The following ACAD8 variants were observed in gnomAD, a reference collection of about 807,000 sequenced individuals.
ACAD8 encodes the protein acyl-CoA dehydrogenase family member 8, also known as isobutyryl-CoA dehydrogenase, mitochondrial.
Under a neutral mutation model 53.1 loss-of-function variants are expected in ACAD8, and 47 were observed. That is an observed-to-expected ratio of 0.89 (90% CI 0.70 to 1.13). The LOEUF (loss-of-function observed/expected upper bound fraction) is 1.13, where lower values mean the gene tolerates loss of function less well. Ranked by LOEUF, ACAD8 falls within the 50% of genes most tolerant of loss-of-function variation. The probability of loss-of-function intolerance (pLI) is 0.00; values close to 1 mark genes in which losing one functional copy is unlikely to be tolerated. For synonymous variants in ACAD8, 198 were observed against 201.3 expected (o/e 0.98, Z 0.14); for missense variants, 494 against 535.0 (o/e 0.92, Z 0.76).
intron 1 of ACAD8, among the ~76,000 whole-genome samples, chr11:134,255,249 G>A (rs1184188567): frequency 6.6e-6 from 1 of 152,106 alleles, no homozygotes; most frequent in Non-Finnish European, 1.5e-5. Context: ...CAATTCTTGT[G>A]CCTCAGCCTC....
In ACAD8 at chr11:134,261,348, T is replaced by C. The variant is rs754203991; in HGVS notation, c.915T>C (p.Phe305=). 6.2e-7 allele frequency: 1 copy of C among 1,614,142 alleles called. No homozygotes were observed. The highest frequency in any genetic ancestry group is 1.1e-5 in the South Asian group (1 of 91,078). ...TRDHLNVRKQ[F]GEPLASNQYL... ...ACCACCTCAATGTCCGGAAGCAGTTTGGAGAGCCTCTGGCCAGTAACCAGG... is the reference window on the plus strand; with the variant it reads ...ACCACCTCAATGTCCGGAAGCAGTTCGGAGAGCCTCTGGCCAGTAACCAGG... The change falls in exon 8 of 11, where the codon TTT becomes TTC. Residue 305 remains phenylalanine (F), a synonymous_variant. Coordinates refer to ENST00000281182, the MANE Select transcript of ACAD8 (RefSeq NM_014384.3). The surrounding 1 kb of genome is among the most constrained non-coding windows in gnomAD (Gnocchi z 4.2).
At chr11:134,262,462 G>A in intron 9 of ACAD8, 58 bp from the exon 10 acceptor site, 1 of 1,231,648 alleles carries the variant, frequency 8.1e-7, no homozygotes, top group Non-Finnish European at 1.2e-6. Flanking sequence ...AGGAAGGGAA[G>A]CTGCTTGCTC....
intron 10 of ACAD8, 195 bp downstream of exon 10, chr11:134,262,817 T>C (rs1472915458): frequency 6.8e-7 from 1 of 1,469,894 alleles, no homozygotes; most frequent in East Asian, 2.8e-5. Flanking sequence ...CTTCGTCCCT[T>C]TCGGGGGGCC....
chr11:134,264,244 C>G (rs1436518416), intron 10 of ACAD8, among the ~76,000 whole-genome samples: 1 of 152,164 alleles, frequency 6.6e-6, no homozygotes, highest in African/African-American at 2.4e-5. Flanking sequence ...ACTCGAGAGG[C>G]TGAGGCAGGA....
chr11:134,262,784 G>C (rs1160552001), intron 10 of ACAD8, 162 bp downstream of exon 10: 79 of 1,498,352 alleles, frequency 5.3e-5, no homozygotes, highest in Non-Finnish European at 6.7e-5. Context: ...GTTCTGGCAG[G>C]GGCCTGGAGT....
In ACAD8 at chr11:134,261,516, T is replaced by C; in HGVS notation, c.939+144T>C. On this transcript the variant is annotated intron_variant, in intron 8 of 10. Transcript: ENST00000281182. The surrounding 1 kb of genome is among the most constrained non-coding windows in gnomAD (Gnocchi z 4.2). The stretch of plus-strand genomic sequence containing the variant: ...AGCCAGAGCTTGTGCTTTATTTCTG[T>C]CCATCTTTTCTTGGGATATCTTTAA... The C allele has an allele frequency of 8.6e-6, 13 of 1,504,700 alleles. No individual in the cohort carries two copies. The highest frequency in any genetic ancestry group is 1.2e-5 in the Non-Finnish European group (13 of 1,103,636). 93.2% of individuals were successfully genotyped at this position (1,504,700 alleles called of 1,614,324 possible).
Position 134,256,653 on chromosome 11 carries a change from G to C in ACAD8, c.210+5G>C. ...ATGGCAGAGTGGGACCAGAAGGTAG[G>C]CGTTTTTCTTGTGCTTAGACGTTCT... On this transcript the variant is annotated splice_donor_5th_base_variant and intron_variant, in intron 2 of 10. Transcript: ENST00000281182. The C allele has an allele frequency of 1.2e-6, 2 of 1,613,886 alleles. No homozygotes were observed. The highest frequency in any genetic ancestry group is 1.7e-6 in the Non-Finnish European group (2 of 1,179,806).
At position 134,262,975 on chromosome 11, in the gene ACAD8, G is replaced by A. The variant is rs973794091; in HGVS notation, c.1195+353G>A. ...TGGTTCTCAGGGATCCAAGAACAGT[G>A]ATGGACAAGGCAAATGTGAGCCAGT... On this transcript the variant is annotated intron_variant, in intron 10 of 10. Coordinates refer to ENST00000281182, the MANE Select transcript of ACAD8 (RefSeq NM_014384.3). 20 of 1,227,396 alleles carry A rather than the reference G, an allele frequency of 1.6e-5. No homozygotes were observed. The Admixed American group carries it at 4.2e-4, about 26-fold the overall frequency. The allele number at this position is 1,227,396 out of a possible 1,614,324, so 76.0% of individuals were successfully genotyped here. A position where few individuals can be genotyped will look rare whatever the true frequency, so the allele number is the denominator to read the frequency against.
At chr11:134,253,751 C>T in intron 1 of ACAD8, 42 bp downstream of exon 1, 1 of 1,538,274 alleles carries the variant, frequency 6.5e-7, no homozygotes, top group Non-Finnish European at 8.8e-7. Context: ...TGTCCAGAAC[C>T]CCGGCGGACA....
intron 10 of ACAD8, chr11:134,262,901 G>A: frequency 1.5e-6 from 2 of 1,338,398 alleles, no homozygotes; most frequent in Non-Finnish European, 2.0e-6. Context: ...GGATGAGAAA[G>A]CATGTTGAAA....
chr11:134,253,693 G>T lies in ACAD8; in HGVS notation c.93G>T (p.Leu31Phe). 6.3e-7 allele frequency: 1 copy of T among 1,599,088 alleles called. No homozygotes were observed. The highest frequency in any genetic ancestry group is 1.1e-5 in the South Asian group (1 of 89,030). The change falls in exon 1 of 11, where the codon TTG becomes TTT. Residue 31 changes from leucine to phenylalanine, a missense_variant. Leu to Phe is a conservative substitution (Grantham distance 22). Coordinates refer to ENST00000281182, the MANE Select transcript of ACAD8 (RefSeq NM_014384.3). ...RVLVQTGHRS[L>F]TSCIDPSMGL... The stretch of plus-strand genomic sequence containing the variant: ...TCGTCCAGACCGGCCACCGGAGCTT[G>T]ACCTCCTGCATCGACCGTAAGGATC...
intron 1 of ACAD8, among the ~76,000 whole-genome samples, chr11:134,255,240 A>G (rs1939445390): frequency 6.6e-6 from 1 of 152,132 alleles, no homozygotes; most frequent in African/African-American, 2.4e-5. Flanking sequence ...GGGTTCAAGC[A>G]ATTCTTGTGC....
chr11:134,255,958 T>A (rs1465371673), intron 1 of ACAD8, among the ~76,000 whole-genome samples: 2 of 152,180 alleles, frequency 1.3e-5, no homozygotes, highest in Non-Finnish European at 2.9e-5. Flanking sequence ...CAGGCTAGAG[T>A]GCAATGGCAC....
intron 6 of ACAD8, chr11:134,260,565 CTG>C: frequency 4.1e-6 from 1 of 246,078 alleles, no homozygotes; most frequent in Admixed American, 5.2e-5. Context: ...TAGGCTTCTA[CTG>C]TGTGTGAAGC....
intron 1 of ACAD8, among the ~76,000 whole-genome samples, chr11:134,254,652 T>A (rs760110671): frequency 1.3e-5 from 2 of 152,220 alleles, no homozygotes; most frequent in African/African-American, 2.4e-5. Flanking sequence ...CGCTTAGAAT[T>A]TGATAACCCA....
intron 10 of ACAD8, chr11:134,263,852 C>T: frequency 1.0e-6 from 1 of 985,408 alleles, no homozygotes; most frequent in Non-Finnish European, 1.2e-6. Context: ...TTGGATAAAT[C>T]TACAGTTTAT....
chr11:134,261,910 C>T lies in ACAD8; in HGVS notation c.1092+20C>T, dbSNP rs1363284280. On this transcript the variant is annotated intron_variant, in intron 9 of 10. Transcript: ENST00000281182. The surrounding 1 kb of genome is among the most constrained non-coding windows in gnomAD (Gnocchi z 4.2). The stretch of plus-strand genomic sequence containing the variant: ...TTTGCCGTAAGTGATTCCTCTGGCT[C>T]TCCTGGGATGGACAGGGAACAGCTG... The T allele has an allele frequency of 1.9e-6, 3 of 1,612,926 alleles. No individual in the cohort carries two copies. Among genetic ancestry groups the T allele is most frequent in the Non-Finnish European group, 2.5e-6 (3 of 1,179,996 alleles).
At chr11:134,262,311 C>T (rs571576088) in intron 9 of ACAD8, 1 of 669,208 alleles carries the variant, frequency 1.5e-6, no homozygotes, top group African/African-American at 1.8e-5. Context: ...CTTTGAGTCG[C>T]CTGTCTGGGG....
chr11:134,257,994 C>G (rs1939644301), intron 3 of ACAD8: 1 of 193,234 alleles, frequency 5.2e-6, no homozygotes, highest in African/African-American at 2.4e-5. Context: ...GGATTACAGG[C>G]ACGTGCCACC....
Sources: allele counts gnomAD v4.1 joint callset (sites outside exome capture counted in the v4.1 genomes callset), GRCh38; gene constraint gnomAD v4.1.1; non-coding constraint Gnocchi (gnomAD v3.1); transcripts MANE v1.5; gene names NCBI Gene and HGNC (gene_info 2026-07-23, HGNC 2026-07-21).